SLC22A23: variants seen among roughly 807,000 people sequenced by gnomAD.
The protein encoded by SLC22A23 is ion transporter protein.
Under a neutral mutation model 61.0 loss-of-function variants are expected in SLC22A23, and 26 were observed. That is an observed-to-expected ratio of 0.43 (90% confidence interval 0.31 to 0.59). The LOEUF is 0.59. Ranked by LOEUF, SLC22A23 falls within the 20% of genes least tolerant of loss-of-function variation. The pLI, the probability that SLC22A23 is intolerant of heterozygous loss-of-function variation, is 0.11. For missense variants in SLC22A23, 796 were observed against 934.7 expected (o/e 0.85, Z 1.94); for synonymous variants, 430 against 413.9 (o/e 1.04, Z -0.47).
At chr6:3,399,879 A>G (rs1397618563) in intron 3 of SLC22A23, among the ~76,000 whole-genome samples, 1 of 149,918 alleles carries the variant, frequency 6.7e-6, no homozygotes, top group East Asian at 2.0e-4. Context: ...GCAATATATG[A>G]TTGCATTTAT....
Position 3,273,073 on chromosome 6 carries a change from G to C in SLC22A23, c.2043C>G (p.Asn681Lys). Residue 681 changes from asparagine to lysine, a missense_variant, in exon 10 of 10, where the codon AAC becomes AAG. Asn to Lys is a moderately conservative substitution (Grantham distance 94). Transcript: ENST00000406686. ...GDTLPEGATANGMKAM is the reference protein window; with the variant it reads ...GDTLPEGATAKGMKAM ...GGCCGGGCTACATGGCCTTCATGCC[G>C]TTGGCCGTGGCACCCTCGGGCAGTG... 2 of 1,570,746 alleles carry C rather than the reference G, an allele frequency of 1.3e-6. No individual in the cohort carries two copies. Among genetic ancestry groups the C allele is most frequent in the Admixed American group, 1.8e-5 (1 of 56,876 alleles).
chr6:3,418,471 A>T (rs868504451), intron 1 of SLC22A23, among the ~76,000 whole-genome samples: 3 of 152,218 alleles, frequency 2.0e-5, no homozygotes, highest in Non-Finnish European at 4.4e-5. Flanking sequence ...TGACCCCATT[A>T]AGGTGCTAGC....
intron 4 of SLC22A23, chr6:3,323,119 G>T (rs1010643714): frequency 2.6e-6 from 1 of 391,916 alleles, no homozygotes; most frequent in Non-Finnish European, 5.1e-6. Flanking sequence ...TGTTCCCCCC[G>T]TACTGCCGGC....
rs183271517 is a variant in SLC22A23, at chr6:3,341,880, T to C, written c.914-17878A>G. 2.6e-5 allele frequency among the ~76,000 whole-genome samples: 4 copies of C among 152,206 alleles called. No homozygotes were observed. In the East Asian group the frequency reaches 7.7e-4, roughly 29 times the overall value. On this transcript the variant is annotated intron_variant, in intron 3 of 9. Coordinates refer to ENST00000406686, the MANE Select transcript of SLC22A23 (RefSeq NM_015482.2). ...CCTGTAAATCCTTTAAAAGAAAAGT[T>C]AATGGATTTTAAAAAAAATCATACA...
At chr6:3,424,256 C>T (rs1051355877) in intron 1 of SLC22A23, among the ~76,000 whole-genome samples, 1 of 152,204 alleles carries the variant, frequency 6.6e-6, no homozygotes, top group Non-Finnish European at 1.5e-5. Context: ...GCCCATGTTG[C>T]TCTTCTGTGC....
chr6:3,418,248 G>A (rs1769867457), intron 1 of SLC22A23, among the ~76,000 whole-genome samples: 1 of 152,220 alleles, frequency 6.6e-6, no homozygotes, highest in Non-Finnish European at 1.5e-5. Flanking sequence ...TGATGGCAGG[G>A]AGTCATCTGA....
At chr6:3,279,523 A>AAAAAAAAAAAAAAAAAAAAC (rs1759236356) in intron 9 of SLC22A23, among the ~76,000 whole-genome samples, 1 of 148,532 alleles carries the variant, frequency 6.7e-6, no homozygotes, top group Non-Finnish European at 1.5e-5. Flanking sequence ...AAAAAAAAAA[A>AAAAAAAAAAAAAAAAAAAAC]AAAAAAAAAA....
intron 3 of SLC22A23, among the ~76,000 whole-genome samples, chr6:3,392,814 G>A (rs1164035461): frequency 6.6e-6 from 1 of 152,166 alleles, no homozygotes; most frequent in Non-Finnish European, 1.5e-5. Context: ...AATGCCTACT[G>A]GACATCCAAG....
At chr6:3,285,035 G>A (rs761001594) in intron 8 of SLC22A23, 44 bp downstream of exon 8, 31 of 1,607,584 alleles carry the variant, frequency 1.9e-5, no homozygotes, top group Non-Finnish European at 2.3e-5. Flanking sequence ...CCATTTAGAT[G>A]TAATATGAGA....
At chr6:3,420,232 G>GAAA (rs34794008) in intron 1 of SLC22A23, among the ~76,000 whole-genome samples, 13 of 102,714 alleles carry the variant, frequency 1.3e-4, no homozygotes, top group African/African-American at 4.3e-4. Flanking sequence ...AGCAAAATGA[G>GAAA]AAAAAAAAAA....
intron 4 of SLC22A23, among the ~76,000 whole-genome samples, chr6:3,307,170 G>A (rs1762037900): frequency 6.6e-6 from 1 of 152,162 alleles, no homozygotes; most frequent in Non-Finnish European, 1.5e-5. Context: ...CAAGCTGAGG[G>A]TAGGCACAAA....
At chr6:3,290,095 A>C (rs1760439644) in intron 5 of SLC22A23, 1 of 568,626 alleles carries the variant, frequency 1.8e-6, no homozygotes, top group Non-Finnish European at 3.1e-6. Flanking sequence ...CTGAGAGGGC[A>C]CCAAGGTGCA....
At chr6:3,292,063 T>A (rs74335532) in intron 5 of SLC22A23, 1 of 152,252 alleles carries the variant, frequency 6.6e-6, no homozygotes, top group Non-Finnish European at 1.5e-5. Flanking sequence ...GCTATTGATA[T>A]GTTTTCAGGA....
intron 3 of SLC22A23, among the ~76,000 whole-genome samples, chr6:3,361,375 CTT>C (rs1383969604): frequency 6.6e-6 from 1 of 151,174 alleles, no homozygotes; most frequent in Non-Finnish European, 1.5e-5. Flanking sequence ...GTCCTCCTCT[CTT>C]GAGAGCTGTC....
At chr6:3,284,772 C>A (rs1343504908) in intron 8 of SLC22A23, among the ~76,000 whole-genome samples, 1 of 152,224 alleles carries the variant, frequency 6.6e-6, no homozygotes, top group Non-Finnish European at 1.5e-5. Flanking sequence ...AGACAACTGT[C>A]CCTAAGACAA....
At chr6:3,403,005 A>T (rs1010862059) in intron 3 of SLC22A23, among the ~76,000 whole-genome samples, 1 of 152,204 alleles carries the variant, frequency 6.6e-6, no homozygotes, top group South Asian at 2.1e-4. Flanking sequence ...CTGATTTGAG[A>T]AACAGTTGTT....
At position 3,318,812 on chromosome 6, in the gene SLC22A23, C is replaced by T. The variant is rs919230822; in HGVS notation, c.1082+5022G>A. Among the ~76,000 whole-genome samples, 1 of 152,296 alleles carries T rather than the reference C, an allele frequency of 6.6e-6. No individual in the cohort carries two copies. The highest frequency in any genetic ancestry group is 1.9e-4 in the East Asian group (1 of 5,170). ...GACTTCAGCCTCCAGCCCTCCTGAG[C>T]TTCCATGTTTCTTAAAGCTCTGGCC... On this transcript the variant is annotated intron_variant, in intron 4 of 9. Transcript: ENST00000406686. This position sits in a 1 kb window ranked among gnomAD's most constrained non-coding sequence, Gnocchi z 4.3.
intron 5 of SLC22A23, among the ~76,000 whole-genome samples, chr6:3,293,443 C>T (rs753189373): frequency 4.6e-5 from 7 of 152,176 alleles, no homozygotes; most frequent in South Asian, 2.1e-4. Context: ...TGGGGCCACT[C>T]GGCCACTCGA....
At chr6:3,451,818 C>T (rs1346991677) in intron 1 of SLC22A23, among the ~76,000 whole-genome samples, 2 of 152,148 alleles carry the variant, frequency 1.3e-5, no homozygotes, top group Non-Finnish European at 1.5e-5. Context: ...CACAGATGGT[C>T]CCCGGCTTAA....
Sources: gnomAD v4.1 joint callset for allele counts (sites outside exome capture counted in the v4.1 genomes callset) on GRCh38, gnomAD v4.1.1 for gene constraint, Gnocchi (gnomAD v3.1) non-coding constraint, MANE v1.5 for transcripts, NCBI Gene and HGNC (gene_info 2026-07-23, HGNC 2026-07-21) for gene names.